Variants in ST6GALNAC1 observed in about 807,000 individuals in gnomAD.
The protein encoded by ST6GALNAC1 is alpha-N-acetylgalactosaminide alpha-2,6-sialyltransferase 1.
In ST6GALNAC1, 45 loss-of-function variants were observed where a neutral mutation model predicts 56.8. That is an observed-to-expected ratio of 0.79 (90% CI 0.62 to 1.02). The LOEUF is 1.02. ST6GALNAC1 is among the 50% of genes least tolerant of loss of function. The probability of loss-of-function intolerance (pLI) is 0.00; values close to 1 mark genes in which losing one functional copy is unlikely to be tolerated. For synonymous variants in ST6GALNAC1, 295 were observed against 297.8 expected (o/e 0.99, Z 0.10); for missense variants, 743 against 754.8 (o/e 0.98, Z 0.18).
chr17:76,626,546 C>G, intron 5 of ST6GALNAC1, 105 bp downstream of exon 5: 2 of 1,543,862 alleles, frequency 1.3e-6, no homozygotes, highest in Non-Finnish European at 1.8e-6. Flanking sequence ...GAGCCTGTAC[C>G]AACCACAGAC....
downstream of ST6GALNAC1, among the ~76,000 whole-genome samples, chr17:76,620,048 T>A (rs190801186): frequency 4.6e-3 from 697 of 151,420 alleles, 9 homozygotes; most frequent in African/African-American, 0.016. Context: ...CCGGCCTTTT[T>A]AAAAATTTTT....
the ST6GALNAC1 span, among the ~76,000 whole-genome samples, chr17:76,617,471 C>A: frequency 1.3e-5 from 2 of 152,140 alleles, no homozygotes; most frequent in African/African-American, 4.8e-5. Context: ...CCATTCAAGG[C>A]ACTGTGGGCC....
At chr17:76,636,557 A>T (rs2075975394) in intron 1 of ST6GALNAC1, among the ~76,000 whole-genome samples, 1 of 152,202 alleles carries the variant, frequency 6.6e-6, no homozygotes, top group African/African-American at 2.4e-5. Context: ...CGGAGCTGAG[A>T]TCACGCCACT....
chr17:76,634,611 C>T (rs557621879), intron 1 of ST6GALNAC1, among the ~76,000 whole-genome samples: 115 of 134,452 alleles, frequency 8.6e-4, no homozygotes, highest in African/African-American at 3.0e-3. Context: ...TGGTGCCTCA[C>T]GCCTGTAATC....
In ST6GALNAC1 at chr17:76,625,859, C is replaced by T. The variant is rs746991796; in HGVS notation, c.1565G>A (p.Gly522Glu). 3.2e-6 allele frequency: 5 copies of T among 1,546,076 alleles called. No individual in the cohort carries two copies. In the East Asian group the frequency reaches 1.1e-4, roughly 35 times the overall value. Residue 522 changes from glycine to glutamate, a missense_variant, in exon 8 of 9, where the codon GGG becomes GAG. Transcript: ENST00000156626. ...AAGGGCAGTGAGCAGCAGGAGGGCCCCAGTGGTGGGGCGGTATATCCTCCA... is the reference window on the plus strand; with the variant it reads ...AAGGGCAGTGAGCAGCAGGAGGGCCTCAGTGGTGGGGCGGTATATCCTCCA... ...AHWRIYRPTT[G>E]ALLLLTALQL...
At chr17:76,636,417 T>C (rs1051874811) in intron 1 of ST6GALNAC1, among the ~76,000 whole-genome samples, 4 of 151,950 alleles carry the variant, frequency 2.6e-5, no homozygotes, top group African/African-American at 9.7e-5. Flanking sequence ...GAAGGAGGGA[T>C]CTGTGAGTTC....
intron 1 of ST6GALNAC1, among the ~76,000 whole-genome samples, chr17:76,632,438 C>G (rs930832156): frequency 6.6e-6 from 1 of 152,070 alleles, no homozygotes; most frequent in Non-Finnish European, 1.5e-5. Flanking sequence ...ATGCACTCCT[C>G]TCTGGAACCC....
Position 76,625,213 on chromosome 17 carries a change from C to T in ST6GALNAC1, c.*117G>A. The T allele has an allele frequency of 9.2e-7, 1 of 1,087,012 alleles. No homozygotes were observed. The allele number at this position is 1,087,012 out of a possible 1,614,324, so 67.3% of individuals were successfully genotyped here. ...CCATGGTTCAAGTGTTCCCTTGGAA[C>T]TCCTGAAGGGCTTGGAGCTTAGTCT... On this transcript the variant is annotated 3_prime_UTR_variant, in exon 9 of 9. Transcript: ENST00000156626.
Position 76,629,648 on chromosome 17 carries a change from C to G in ST6GALNAC1, c.195G>C (p.Gln65His), listed in dbSNP as rs370388196. 9 of 1,613,690 alleles carry G rather than the reference C, an allele frequency of 5.6e-6. No individual in the cohort carries two copies. Among genetic ancestry groups the G allele is most frequent in the Non-Finnish European group, 7.6e-6 (9 of 1,179,832 alleles). ...TTGTCCTCCTTGCCCTTGTGGGTGC[C>G]TGGGACTTAGGCTTTGCCAGGGACT... The part of the protein sequence containing the change: ...SLQSLAKPKS[Q>H]APTRARRTTI... The change falls in exon 2 of 9, where the codon CAG (glutamine) becomes CAC (histidine). Residue 65 changes from glutamine to histidine, a missense_variant. Transcript: ENST00000156626.
intron 1 of ST6GALNAC1, chr17:76,642,000 CTA>C (rs1007612024): frequency 7.7e-5 from 4 of 51,976 alleles, no homozygotes; most frequent in African/African-American, 1.5e-4. Flanking sequence ...ATATGTAAAT[CTA>C]TATGATATAT....
chr17:76,622,247 C>T (rs1379929995), downstream of ST6GALNAC1, among the ~76,000 whole-genome samples: 1 of 82,302 alleles, frequency 1.2e-5, no homozygotes, highest in Non-Finnish European at 2.9e-5. Flanking sequence ...CCTCAAAGTC[C>T]TTTACTATAT....
At position 76,629,326 on chromosome 17, in the gene ST6GALNAC1, T is replaced by C. The variant is rs773872168; in HGVS notation, c.517A>G (p.Lys173Glu). The change falls in exon 2 of 9, where the codon AAG becomes GAG. Residue 173 changes from lysine to glutamate, a missense_variant. Coordinates refer to ENST00000156626, the MANE Select transcript of ST6GALNAC1 (RefSeq NM_018414.5). ...TTQGNGGQTRKLTASRTVSEK... is the reference protein window; with the variant it reads ...TTQGNGGQTRELTASRTVSEK... Reference sequence around the variant, plus strand: ...GACACCGTCCTGGAGGCCGTCAGCTTCCTGGTCTGGCCCCCATTTCCTTGG... The same window carrying C: ...GACACCGTCCTGGAGGCCGTCAGCTCCCTGGTCTGGCCCCCATTTCCTTGG... 3.7e-6 allele frequency: 6 copies of C among 1,614,226 alleles called. No homozygotes were observed. The Admixed American group carries it at 8.3e-5, about 22-fold the overall frequency.
rs753406063 is a variant in ST6GALNAC1 at position 76,626,734 on chromosome 17, AG to A, written c.1227del (p.Phe410SerfsTer9). 4.0e-5 allele frequency: 65 copies of A among 1,614,116 alleles called. No individual in the cohort carries two copies. Among genetic ancestry groups the A allele is most frequent in the Non-Finnish European group, 5.5e-5 (65 of 1,180,032 alleles). Reference sequence around the variant, plus strand: ...AGGGAGAAGGCGGTAAAGCCGTAGAAGGATGTCCGAGTCCCCACATCCTGTT... The same window carrying A: ...AGGGAGAAGGCGGTAAAGCCGTAGAAGATGTCCGAGTCCCCACATCCTGTT... ...GYEQDVGTRTSFYGFTAFSLT... is the reference protein window; with the variant it reads ...GYEQDVGTRTXFYGFTAFSLT... On this transcript the variant is annotated frameshift_variant, in exon 5 of 9. Transcript: ENST00000156626. LOFTEE classifies it high-confidence loss of function.
intron 1 of ST6GALNAC1, among the ~76,000 whole-genome samples, chr17:76,640,074 C>T (rs1046165028): frequency 5.3e-5 from 8 of 152,070 alleles, no homozygotes; most frequent in African/African-American, 1.4e-4. Context: ...CACTGAGAAT[C>T]CCCGCAGGAG....
chr17:76,642,710 C>T (rs1327841387), intron 1 of ST6GALNAC1, among the ~76,000 whole-genome samples: 1 of 152,074 alleles, frequency 6.6e-6, no homozygotes, highest in Non-Finnish European at 1.5e-5. Context: ...GTGGGTAGAT[C>T]ACTTGAGGTC....
At chr17:76,618,295 C>T in the ST6GALNAC1 span, among the ~76,000 whole-genome samples, 4 of 152,170 alleles carry the variant, frequency 2.6e-5, no homozygotes, top group Non-Finnish European at 4.4e-5. Flanking sequence ...GAGGAGAATG[C>T]GGGTGTGGGG....
intron 1 of ST6GALNAC1, among the ~76,000 whole-genome samples, chr17:76,639,254 G>A (rs2076014956): frequency 6.6e-6 from 1 of 152,136 alleles, no homozygotes; most frequent in Non-Finnish European, 1.5e-5. Context: ...TCCAGGCCCT[G>A]TTCATAGCAC....
chr17:76,624,043 G>A (rs532852930), downstream of ST6GALNAC1, among the ~76,000 whole-genome samples: 9 of 152,220 alleles, frequency 5.9e-5, no homozygotes, highest in African/African-American at 2.2e-4. Flanking sequence ...GGAGGACAGG[G>A]CGCCGCGAGC....
chr17:76,626,775 A>G lies in ST6GALNAC1; in HGVS notation c.1187T>C (p.Leu396Pro). 1 of 1,614,178 alleles carries G rather than the reference A, an allele frequency of 6.2e-7. No individual in the cohort carries two copies. The highest frequency in any genetic ancestry group is 1.1e-5 in the South Asian group (1 of 91,078). Residue 396 changes from leucine to proline, a missense_variant, in exon 5 of 9, where the codon CTC becomes CCC. Coordinates refer to ENST00000156626, the MANE Select transcript of ST6GALNAC1 (RefSeq NM_018414.5). ...CACATCCTGTTCGTAGCCTTTAATG[A>G]GAGCTCCGCTCAATCTGTGCAGAAA... ...HDYVFRLSGA[L>P]IKGYEQDVGT...
Sources: gnomAD v4.1 joint callset for allele counts (sites outside exome capture counted in the v4.1 genomes callset) on GRCh38, gnomAD v4.1.1 for gene constraint, MANE v1.5 for transcripts, NCBI Gene and HGNC (gene_info 2026-07-23, HGNC 2026-07-21) for gene names.